The following ACOT11 variants were observed in gnomAD, a reference collection of about 807,000 sequenced individuals.
ACOT11 encodes the protein acyl-coenzyme A thioesterase 11.
Under a neutral mutation model 77.5 loss-of-function variants are expected in ACOT11, and 69 were observed. The ratio of observed to expected loss-of-function variants is 0.89; its 90% CI spans 0.73 to 1.09. The LOEUF (loss-of-function observed/expected upper bound fraction) is 1.09. Among genes scored for constraint, ACOT11 ranks in the 50% least tolerant of loss-of-function variants. The pLI is 0.00. For synonymous variants in ACOT11, 279 were observed against 313.0 expected (o/e 0.89, Z 1.15); for missense variants, 766 against 813.7 (o/e 0.94, Z 0.71).
chr1:54,614,947 T>TGTGC, downstream of ACOT11: 1 of 1,278,206 alleles, frequency 7.8e-7, no homozygotes, highest in Non-Finnish European at 1.1e-6. Flanking sequence ...CGGGTGTGTG[T>TGTGC]GTGTGTGCAT....
At position 54,584,778 on chromosome 1, in the gene ACOT11, G is replaced by A. The variant is rs147690997; in HGVS notation, c.157G>A (p.Val53Met). The A allele has an allele frequency of 4.3e-6, 7 of 1,613,880 alleles. No homozygotes were observed. Among genetic ancestry groups the A allele is most frequent in the South Asian group, 1.1e-5 (1 of 91,086 alleles). Residue 53 changes from valine to methionine, a missense_variant, in exon 2 of 16, where the codon GTG (valine) becomes ATG (methionine). Physicochemically the swap from Val to Met is conservative, Grantham distance 21. Coordinates refer to ENST00000343744, the MANE Select transcript of ACOT11 (RefSeq NM_147161.4). The surrounding 1 kb of genome is among the most constrained non-coding windows in gnomAD (Gnocchi z 6.3). ...CACGGAGGTGCAGATGAGCCAGCTG[G>A]TGCTGCCCTGCCACACCAACCAACG... ...NPTEVQMSQL[V>M]LPCHTNQRGE... is the part of the protein sequence containing the mutation.
intron 15 of ACOT11, among the ~76,000 whole-genome samples, chr1:54,621,066 C>G (rs1266271882): frequency 3.3e-5 from 5 of 150,464 alleles, no homozygotes; most frequent in Admixed American, 3.3e-4. Flanking sequence ...GAGGCCAAGG[C>G]AGAGAATCAC....
intron 15 of ACOT11, chr1:54,623,277 C>T (rs758090031): frequency 3.7e-6 from 6 of 1,612,374 alleles, no homozygotes; most frequent in Non-Finnish European, 4.2e-6. Flanking sequence ...GAGGCACCTA[C>T]CTGGCCGCCG....
At chr1:54,616,295 A>G (rs1644172636) in intron 15 of ACOT11, 1 of 801,474 alleles carries the variant, frequency 1.2e-6, no homozygotes, top group South Asian at 1.8e-5. Context: ...AGAGGAAAAT[A>G]TTCACCCACA....
downstream of ACOT11, chr1:54,611,834 G>A (rs888196297): frequency 1.4e-4 from 214 of 1,517,734 alleles, no homozygotes; most frequent in Middle Eastern, 9.9e-4. Context: ...TGTCAGCTGG[G>A]CGCAGGGTAG....
At chr1:54,551,300 CAG>C (rs1653057820) in intron 1 of ACOT11, among the ~76,000 whole-genome samples, 3 of 152,118 alleles carry the variant, frequency 2.0e-5, no homozygotes, top group South Asian at 4.2e-4. Context: ...GCACTGTAGA[CAG>C]AGTCAGCATT....
intron 1 of ACOT11, among the ~76,000 whole-genome samples, chr1:54,554,637 C>T (rs1280457722): frequency 6.6e-6 from 1 of 151,742 alleles, no homozygotes; most frequent in Non-Finnish European, 1.5e-5. Context: ...TTTGAGCCAC[C>T]ACACCCAGCT....
In ACOT11 at chr1:54,607,148, T is replaced by C. The variant is rs779836153; in HGVS notation, c.1385T>C (p.Val462Ala). The stretch of plus-strand genomic sequence containing the variant: ...CCTCCCCACAGGAGCGTGGAGCTAG[T>C]GCAGCAGGTAGACGAGGACGACGCC... The part of the protein sequence containing the change: ...WDKHYRSVEL[V>A]QQVDEDDAIY... Residue 462 changes from valine (V) to alanine (A), a missense_variant, in exon 14 of 16, where the codon GTG (valine) becomes GCG (alanine). Coordinates refer to ENST00000343744, the MANE Select transcript of ACOT11 (RefSeq NM_147161.4). This position sits in a 1 kb window ranked among gnomAD's most constrained non-coding sequence, Gnocchi z 4.5. The C allele has an allele frequency of 6.2e-6, 10 of 1,614,070 alleles. No homozygotes were observed. The Admixed American group carries it at 1.5e-4, about 24-fold the overall frequency.
At chr1:54,623,311 C>A (rs145547430) in intron 15 of ACOT11, 1 of 1,614,008 alleles carries the variant, frequency 6.2e-7, no homozygotes, top group Non-Finnish European at 8.5e-7. Context: ...AGGACTATTG[C>A]GGCAATGACC....
chr1:54,580,392 C>T (rs1249496676), intron 1 of ACOT11, among the ~76,000 whole-genome samples: 3 of 152,186 alleles, frequency 2.0e-5, no homozygotes, highest in African/African-American at 4.8e-5. Context: ...AGTCTTCCAT[C>T]GTTTCTGGGG....
In ACOT11 at chr1:54,623,353, C is replaced by A. The variant is rs751426743; in HGVS notation, c.1630-7381C>A. The A allele has an allele frequency of 7.4e-6, 12 of 1,613,970 alleles. No homozygotes were observed. In the Middle Eastern group the frequency reaches 4.9e-4, roughly 67 times the overall value. On this transcript the variant is annotated intron_variant, in intron 15 of 16. Transcript: ENST00000371316. ...GACACACAGGTAATGCCGGCAAACA[C>A]CCACTTGACCTGATTCTTTGATAAC...
chr1:54,581,541 G>A (rs901938610), intron 1 of ACOT11, among the ~76,000 whole-genome samples: 2 of 152,220 alleles, frequency 1.3e-5, no homozygotes, highest in African/African-American at 4.8e-5. Context: ...CAGGAGGAGG[G>A]ACACAGAGCC....
exon 17 of ACOT11, chr1:54,635,719 A>G (rs1047312298): frequency 1.9e-5 from 3 of 158,914 alleles, no homozygotes; most frequent in South Asian, 3.6e-4. Flanking sequence ...TTGCCTTTGT[A>G]TAGTCTGCAG....
At chr1:54,559,834 C>G (rs1389033789) in intron 1 of ACOT11, among the ~76,000 whole-genome samples, 22 of 152,234 alleles carry the variant, frequency 1.4e-4, no homozygotes, top group Admixed American at 1.4e-3. Context: ...AAAGCCTCAT[C>G]TGACCCCAAG....
At chr1:54,550,527 T>C (rs542872035) in intron 1 of ACOT11, among the ~76,000 whole-genome samples, 1 of 152,178 alleles carries the variant, frequency 6.6e-6, no homozygotes, top group South Asian at 2.1e-4. Context: ...AAATAAACAA[T>C]CCCTGGCCAG....
At chr1:54,625,473 A>G (rs1018070575) in intron 15 of ACOT11, among the ~76,000 whole-genome samples, 1 of 152,182 alleles carries the variant, frequency 6.6e-6, no homozygotes, top group Admixed American at 6.5e-5. Context: ...GGCCTCACCC[A>G]GATCCCTTCT....
intron 1 of ACOT11, among the ~76,000 whole-genome samples, chr1:54,578,218 G>A (rs1276220859): frequency 6.6e-6 from 1 of 152,160 alleles, no homozygotes; most frequent in Non-Finnish European, 1.5e-5. Flanking sequence ...TAAGAATCTG[G>A]CTCAGCCTCA....
At chr1:54,587,185 AACGTC>A (rs1451253369) in intron 3 of ACOT11, among the ~76,000 whole-genome samples, 1 of 152,070 alleles carries the variant, frequency 6.6e-6, no homozygotes, top group African/African-American at 2.4e-5. Flanking sequence ...CAGATGTAGG[AACGTC>A]ATTCAATTCG....
At chr1:54,557,404 A>G (rs12090606) in intron 1 of ACOT11, among the ~76,000 whole-genome samples, 1,771 of 151,638 alleles carry the variant, frequency 0.012, 31 homozygotes, top group African/African-American at 0.04. Context: ...AAAAAAAAAA[A>G]AAAAAGAAAA....
Sources: allele counts gnomAD v4.1 joint callset (sites outside exome capture counted in the v4.1 genomes callset), GRCh38; gene constraint gnomAD v4.1.1; non-coding constraint Gnocchi (gnomAD v3.1); transcripts MANE v1.5; gene names NCBI Gene and HGNC (gene_info 2026-07-23, HGNC 2026-07-21).